ACYP2: variants seen among roughly 807,000 people sequenced by gnomAD.
ACYP2 encodes acylphosphatase 2, also known as acylphosphatase-2.
A neutral mutation model predicts 11.2 loss-of-function variants in ACYP2; 12 were observed. That is an observed-to-expected ratio of 1.08 (90% CI 0.69 to 1.74). The LOEUF is 1.74. Among genes scored for constraint, ACYP2 ranks in the 40% most tolerant of loss-of-function variants. The pLI is 0.00. For missense variants in ACYP2, 134 were observed against 101.9 expected (o/e 1.31, Z -1.35); for synonymous variants, 43 against 32.2 (o/e 1.33, Z -1.13).
At chr2:53,977,534 A>C (rs1293424317) in intron 2 of ACYP2, among the ~76,000 whole-genome samples, 2 of 151,684 alleles carry the variant, frequency 1.3e-5, no homozygotes, top group Non-Finnish European at 2.9e-5. Flanking sequence ...AGAGTTTGAG[A>C]CCAGCCTGAC....
chr2:54,015,139 G>A (rs1399542467), intron 2 of ACYP2, among the ~76,000 whole-genome samples: 1 of 151,922 alleles, frequency 6.6e-6, no homozygotes, highest in African/African-American at 2.4e-5. Flanking sequence ...GGCTGAGGCG[G>A]GCAGATCACT....
At chr2:54,006,016 C>G (rs749447256) in intron 2 of ACYP2, among the ~76,000 whole-genome samples, 7 of 151,724 alleles carry the variant, frequency 4.6e-5, no homozygotes, top group Admixed American at 1.3e-4. Context: ...CTTCATCTCA[C>G]TCTGTCACCC....
At chr2:54,285,128 G>A (rs944252865) in intron 6 of ACYP2, among the ~76,000 whole-genome samples, 7 of 152,202 alleles carry the variant, frequency 4.6e-5, no homozygotes, top group Middle Eastern at 3.2e-3. Context: ...GGAAGGGGCT[G>A]ACAAGCTCCC....
At chr2:54,144,876 A>G (rs4302250) in intron 6 of ACYP2, among the ~76,000 whole-genome samples, 2,322 of 152,186 alleles carry the variant, frequency 0.015, 27 homozygotes, top group Middle Eastern at 0.044. Flanking sequence ...ATTAATTTCA[A>G]CTTCCATCTT....
chr2:54,043,070 G>GT (rs1491254277), intron 2 of ACYP2, among the ~76,000 whole-genome samples: 241 of 149,888 alleles, frequency 1.6e-3, no homozygotes, highest in African/African-American at 5.8e-3. Context: ...GGGTGTGTGT[G>GT]GGGTGTGTGT....
chr2:54,182,113 A>T (rs1371714553), intron 6 of ACYP2, among the ~76,000 whole-genome samples: 1 of 123,198 alleles, frequency 8.1e-6, no homozygotes, highest in African/African-American at 3.2e-5. Context: ...AGGCTGGAGT[A>T]TGGTGGCACA....
intron 6 of ACYP2, among the ~76,000 whole-genome samples, chr2:54,256,786 C>T (rs1371407554): frequency 3.3e-5 from 5 of 152,112 alleles, no homozygotes; most frequent in African/African-American, 1.2e-4. Context: ...GGATTACAGG[C>T]GCCCACCACC....
chr2:54,131,245 C>G (rs1050590910), intron 4 of ACYP2, among the ~76,000 whole-genome samples: 7 of 152,170 alleles, frequency 4.6e-5, no homozygotes, highest in African/African-American at 1.7e-4. Context: ...TAGATTGGAG[C>G]AGGTAATTTC....
chr2:54,069,131 T>G (rs952121271), intron 4 of ACYP2, among the ~76,000 whole-genome samples: 2 of 152,002 alleles, frequency 1.3e-5, no homozygotes, highest in Non-Finnish European at 2.9e-5. Flanking sequence ...AGGTCTCACT[T>G]TGTTGCCCAG....
chr2:54,145,846 T>C (rs1352064965), intron 6 of ACYP2, among the ~76,000 whole-genome samples: 1 of 152,172 alleles, frequency 6.6e-6, no homozygotes, highest in Non-Finnish European at 1.5e-5. Context: ...AATGTCAAAG[T>C]GCATCACACA....
At chr2:54,078,941 A>G (rs959286) in intron 4 of ACYP2, among the ~76,000 whole-genome samples, 56,706 of 152,034 alleles carry the variant, frequency 0.37, 11,366 homozygotes, top group East Asian at 0.68. Flanking sequence ...TTCATTTTGC[A>G]TCCCACTCCT....
At chr2:54,270,467 A>G (rs1282302531) in intron 6 of ACYP2, among the ~76,000 whole-genome samples, 1 of 152,202 alleles carries the variant, frequency 6.6e-6, no homozygotes, top group Non-Finnish European at 1.5e-5. Context: ...AATTAGCCAG[A>G]CATGGTGGCA....
At chr2:54,269,876 A>T (rs1238707845) in intron 6 of ACYP2, among the ~76,000 whole-genome samples, 1 of 152,220 alleles carries the variant, frequency 6.6e-6, no homozygotes, top group Non-Finnish European at 1.5e-5. Context: ...ATTAAATAAC[A>T]AATTTTCCAG....
intron 2 of ACYP2, among the ~76,000 whole-genome samples, chr2:54,010,393 A>T (rs1673293522): frequency 6.6e-6 from 1 of 152,018 alleles, no homozygotes; most frequent in Non-Finnish European, 1.5e-5. Context: ...CCGAGATAGG[A>T]GAATTGCTTG....
intron 2 of ACYP2, among the ~76,000 whole-genome samples, chr2:54,017,747 CTGAG>C (rs1378001250): frequency 2.0e-5 from 3 of 152,046 alleles, no homozygotes; most frequent in East Asian, 1.9e-4. Flanking sequence ...TGATCTTTTG[CTGAG>C]TGAGTAAGTA....
At chr2:54,201,670 CTTTCTTTCTT>C (rs1396239138) in intron 6 of ACYP2, among the ~76,000 whole-genome samples, 16 of 103,658 alleles carry the variant, frequency 1.5e-4, no homozygotes, top group African/African-American at 4.8e-4. Flanking sequence ...TTCTTTCTTT[CTTTCTTTCTT>C]TCTCTCTCTC....
chr2:54,303,613 G>C (rs997149433), intron 6 of ACYP2, among the ~76,000 whole-genome samples: 1 of 151,970 alleles, frequency 6.6e-6, no homozygotes, highest in African/African-American at 2.4e-5. Context: ...CCAAATAAAG[G>C]GTTAAAAAGC....
chr2:54,201,228 C>T lies in ACYP2; in HGVS notation c.404+62480C>T, dbSNP rs148145767. Among the ~76,000 whole-genome samples the T allele has an allele frequency of 6.6e-3, 1,009 of 152,062 alleles. 16 individuals carry two copies. Among genetic ancestry groups the T allele is most frequent in the African/African-American group, 0.024 (978 of 41,468 alleles). On this transcript the variant is annotated intron_variant, in intron 6 of 6. Coordinates refer to ENST00000607452, the MANE Select transcript of ACYP2 (RefSeq NM_001320586.2). ...TCACGCCATTCTCCTGCCTCAGCTTCCCGAGTAGCAGGGACCATAGGCGCC... is the reference window on the plus strand; with the variant it reads ...TCACGCCATTCTCCTGCCTCAGCTTTCCGAGTAGCAGGGACCATAGGCGCC...
intron 2 of ACYP2, among the ~76,000 whole-genome samples, chr2:54,045,332 C>T (rs1440097418): frequency 6.6e-6 from 1 of 152,194 alleles, no homozygotes; most frequent in East Asian, 1.9e-4. Context: ...TACTCAGCAC[C>T]CTGCAACCAT....
Sources: gnomAD v4.1 joint callset for allele counts (sites outside exome capture counted in the v4.1 genomes callset) on GRCh38, gnomAD v4.1.1 for gene constraint, MANE v1.5 for transcripts, NCBI Gene and HGNC (gene_info 2026-07-23, HGNC 2026-07-21) for gene names.